Variants in CDK14 observed in about 807,000 individuals in gnomAD.
CDK14 encodes the protein cyclin dependent kinase 14.
In CDK14, 34 loss-of-function variants were observed where a neutral mutation model predicts 60.7. That is an observed-to-expected ratio of 0.56 (90% CI 0.43 to 0.75). CDK14 has a LOEUF of 0.75. CDK14 is among the 30% of genes least tolerant of loss of function. The pLI, the probability that CDK14 is intolerant of heterozygous loss-of-function variation, is 0.00. For missense variants in CDK14, 482 were observed against 564.1 expected (o/e 0.85, Z 1.47); for synonymous variants, 197 against 203.7 (o/e 0.97, Z 0.28).
chr7:90,944,666 A>G (rs1457117919), intron 8 of CDK14, among the ~76,000 whole-genome samples: 7 of 152,222 alleles, frequency 4.6e-5, no homozygotes, highest in Admixed American at 2.0e-4. Context: ...CAGGAGTGTG[A>G]GGCTGCAGTG....
chr7:90,598,745 C>T (rs537095725), intron 1 of CDK14, among the ~76,000 whole-genome samples: 1 of 111,130 alleles, frequency 9.0e-6, no homozygotes, highest in African/African-American at 3.4e-5. Context: ...CGCTCTGTCG[C>T]CCAGGCTGGA....
intron 11 of CDK14, among the ~76,000 whole-genome samples, chr7:91,051,245 C>T (rs1395194740): frequency 6.6e-6 from 1 of 152,196 alleles, no homozygotes; most frequent in African/African-American, 2.4e-5. Flanking sequence ...GACCCAAACA[C>T]TTCCCACCAG....
intron 2 of CDK14, among the ~76,000 whole-genome samples, chr7:90,623,593 ATATG>A (rs1799818862): frequency 6.6e-6 from 1 of 152,186 alleles, no homozygotes; most frequent in South Asian, 2.1e-4. Context: ...AAAAAGTAGA[ATATG>A]TAAGTATTGT....
intron 5 of CDK14, among the ~76,000 whole-genome samples, chr7:90,832,223 G>A (rs1176715552): frequency 6.6e-6 from 1 of 152,064 alleles, no homozygotes; most frequent in Non-Finnish European, 1.5e-5. Flanking sequence ...AAATTTACTG[G>A]TATAACTCCA....
intron 4 of CDK14, among the ~76,000 whole-genome samples, chr7:90,779,211 C>T (rs923001050): frequency 1.5e-4 from 23 of 152,176 alleles, no homozygotes; most frequent in African/African-American, 4.8e-4. Context: ...CGAGATTGCG[C>T]CATTGTACTC....
rs190200256 is a variant in CDK14 at position 90,649,834 on chromosome 7, C to G, written c.123+45585C>G. ...CATAGTATTCCATGGTGTATATGTG[C>G]CACATTTTCTTAATCCAGTCTATCA... On this transcript the variant is annotated intron_variant, in intron 2 of 14. Transcript: ENST00000380050. Among the ~76,000 whole-genome samples, 1,066 of 152,176 alleles carry G rather than the reference C, an allele frequency of 7.0e-3. 23 individuals carry two copies. Among genetic ancestry groups the G allele is most frequent in the African/African-American group, 0.025 (1,021 of 41,508 alleles).
chr7:90,826,857 A>T (rs532203506), intron 5 of CDK14, among the ~76,000 whole-genome samples: 1 of 152,204 alleles, frequency 6.6e-6, no homozygotes, highest in South Asian at 2.1e-4. Context: ...AATTCAATTG[A>T]TACAATTGAT....
intron 10 of CDK14, 79 bp downstream of exon 10, chr7:90,984,320 G>A: frequency 1.1e-6 from 1 of 893,866 alleles, no homozygotes; most frequent in Non-Finnish European, 1.8e-6. Context: ...AGCAGTCTGT[G>A]GAAAAATAAT....
At chr7:91,192,736 T>C (rs1397371033) in intron 14 of CDK14, among the ~76,000 whole-genome samples, 1 of 152,204 alleles carries the variant, frequency 6.6e-6, no homozygotes, top group African/African-American at 2.4e-5. Context: ...TTTCCATTTA[T>C]CTTTAATCCT....
At chr7:90,813,671 C>T (rs1256551796) in intron 5 of CDK14, among the ~76,000 whole-genome samples, 1 of 152,112 alleles carries the variant, frequency 6.6e-6, no homozygotes, top group Non-Finnish European at 1.5e-5. Context: ...ATTGCTTGAA[C>T]CCAGGAGGCA....
chr7:90,916,115 C>G (rs1014570949), intron 7 of CDK14, among the ~76,000 whole-genome samples: 3 of 152,122 alleles, frequency 2.0e-5, no homozygotes, highest in Non-Finnish European at 4.4e-5. Context: ...ATTTTTCCCT[C>G]TTTCCTTCTA....
At chr7:90,868,302 TAC>T (rs758911261) in intron 6 of CDK14, among the ~76,000 whole-genome samples, 3,357 of 149,224 alleles carry the variant, frequency 0.022, 125 homozygotes, top group African/African-American at 0.077. Flanking sequence ...TATATATATA[TAC>T]ACACACACAC....
chr7:90,976,883 T>TG (rs1795088194), intron 9 of CDK14, among the ~76,000 whole-genome samples: 1 of 152,162 alleles, frequency 6.6e-6, no homozygotes, highest in South Asian at 2.1e-4. Context: ...TTAAGTCGGT[T>TG]GGGGAGATGG....
At position 90,635,875 on chromosome 7, in the gene CDK14, T is replaced by TA. The variant is rs1800133200; in HGVS notation, c.123+31627dup. ...GTCCCTTGTAAGTTGGATTCCTAGA[T>TA]ATTTTATTCTCTTTGAAGCAATTGT... On this transcript the variant is annotated intron_variant, in intron 2 of 14. Coordinates refer to ENST00000380050, the MANE Select transcript of CDK14 (RefSeq NM_001287135.2). Among the ~76,000 whole-genome samples, 3 of 152,110 alleles carry TA rather than the reference T, an allele frequency of 2.0e-5. No homozygotes were observed. In the East Asian group the frequency reaches 5.8e-4, roughly 29 times the overall value.
intron 13 of CDK14, among the ~76,000 whole-genome samples, chr7:91,116,701 GTC>G (rs370338041): frequency 7.2e-5 from 11 of 152,192 alleles, no homozygotes; most frequent in African/African-American, 2.6e-4. Context: ...GGCTTTCGAA[GTC>G]TCTATCCATT....
intron 5 of CDK14, among the ~76,000 whole-genome samples, chr7:90,803,879 T>A (rs926606406): frequency 6.6e-6 from 1 of 152,044 alleles, no homozygotes; most frequent in Non-Finnish European, 1.5e-5. Context: ...TCTAACAAGA[T>A]TTTTTTTGTG....
Position 90,940,510 on chromosome 7 carries a change from G to A in CDK14, c.827-15187G>A, listed in dbSNP as rs78382871. On this transcript the variant is annotated intron_variant, in intron 8 of 14. Coordinates refer to ENST00000380050, the MANE Select transcript of CDK14 (RefSeq NM_001287135.2). The stretch of plus-strand genomic sequence containing the variant: ...ATGTATAAATATACAATAAGGCTGG[G>A]TGCAGTGGCTCATACCTGTACTCCC... Among the ~76,000 whole-genome samples the A allele has an allele frequency of 9.9e-3, 1,507 of 152,200 alleles. 25 individuals are homozygous for A. Among genetic ancestry groups the A allele is most frequent in the African/African-American group, 0.033 (1,384 of 41,516 alleles).
chr7:90,967,474 T>C (rs544908583), intron 9 of CDK14, among the ~76,000 whole-genome samples: 5 of 152,160 alleles, frequency 3.3e-5, no homozygotes, highest in African/African-American at 1.2e-4. Flanking sequence ...TGCTGATGAG[T>C]GGGAGCTGAT....
intron 8 of CDK14, among the ~76,000 whole-genome samples, chr7:90,919,779 T>G (rs1207526252): frequency 6.6e-6 from 1 of 152,266 alleles, no homozygotes; most frequent in Non-Finnish European, 1.5e-5. Context: ...CAGTCTCTTA[T>G]TAATGAGCAT....
Sources: allele counts gnomAD v4.1 joint callset (sites outside exome capture counted in the v4.1 genomes callset), GRCh38; gene constraint gnomAD v4.1.1; transcripts MANE v1.5; gene names NCBI Gene and HGNC (gene_info 2026-07-23, HGNC 2026-07-21).